PRKCE: variants seen among roughly 807,000 people sequenced by gnomAD.
PRKCE encodes protein kinase C epsilon type.
Under a neutral mutation model 85.4 loss-of-function variants are expected in PRKCE, and 16 were observed. The observed-to-expected ratio is 0.19, with a 90% CI of 0.13 to 0.28. The LOEUF is 0.28. PRKCE is among the 10% of genes least tolerant of loss of function. PRKCE has a pLI of 1.00. For missense variants in PRKCE, 573 were observed against 975.2 expected, an observed-to-expected ratio of 0.59 and a Z score of 5.49; for synonymous variants, 388 against 371.5, an observed-to-expected ratio of 1.04 and a Z score of -0.51.
rs145686124 is a variant in PRKCE at position 45,730,181 on chromosome 2, A to G, written c.348+77733A>G. Reference sequence around the variant, plus strand: ...AACACTGGAAAAATAAATTTTTTAGAGACAGGGTTCCGCTCTGTCACCCAG... The same window carrying G: ...AACACTGGAAAAATAAATTTTTTAGGGACAGGGTTCCGCTCTGTCACCCAG... On this transcript the variant is annotated intron_variant, in intron 1 of 14. Transcript: ENST00000306156. 1.6e-4 allele frequency among the ~76,000 whole-genome samples: 25 copies of G among 152,286 alleles called. 1 individual carries two copies. In the East Asian group the frequency reaches 4.8e-3, roughly 29 times the overall value.
intron 1 of PRKCE, among the ~76,000 whole-genome samples, chr2:45,829,558 C>T (rs1690228972): frequency 6.6e-6 from 1 of 152,130 alleles, no homozygotes; most frequent in African/African-American, 2.4e-5. Context: ...GGTGGGGTGG[C>T]AGCTAATGAA....
At chr2:45,882,411 A>G (rs1438675480) in intron 2 of PRKCE, among the ~76,000 whole-genome samples, 5 of 152,236 alleles carry the variant, frequency 3.3e-5, no homozygotes, top group African/African-American at 1.2e-4. Flanking sequence ...TGATGTCCGC[A>G]GTCTCATAGT....
At chr2:45,934,503 G>A (rs1699287016) in intron 2 of PRKCE, among the ~76,000 whole-genome samples, 1 of 152,056 alleles carries the variant, frequency 6.6e-6, no homozygotes, top group African/African-American at 2.4e-5. Context: ...ACAAAAATTA[G>A]CCAGACGTGG....
intron 1 of PRKCE, among the ~76,000 whole-genome samples, chr2:45,756,286 A>G (rs1683997125): frequency 6.6e-6 from 1 of 152,202 alleles, no homozygotes; most frequent in African/African-American, 2.4e-5. Context: ...GCAGAGAGGA[A>G]GAAGAGGATT....
At chr2:45,882,204 G>C (rs1309191652) in intron 2 of PRKCE, among the ~76,000 whole-genome samples, 1 of 152,226 alleles carries the variant, frequency 6.6e-6, no homozygotes, top group Non-Finnish European at 1.5e-5. Context: ...TCGAGTTTCA[G>C]GTTGAGGATG....
At chr2:45,790,135 A>G (rs1686923354) in intron 1 of PRKCE, among the ~76,000 whole-genome samples, 1 of 152,178 alleles carries the variant, frequency 6.6e-6, no homozygotes, top group African/African-American at 2.4e-5. Context: ...CCAGCTCTTC[A>G]GTATTGTCTA....
chr2:46,173,746 G>A lies in PRKCE; in HGVS notation c.2068-10989G>A, dbSNP rs1679145694. Among the ~76,000 whole-genome samples the A allele has an allele frequency of 2.0e-5, 3 of 152,208 alleles. No individual in the cohort carries two copies. In the South Asian group the frequency reaches 6.2e-4, roughly 31 times the overall value. ...AGGGACACCTGCTTGCCTCTGTGAT[G>A]GCAATCCCTGAAAGCTGTGTCTATA... On this transcript the variant is annotated intron_variant, in intron 14 of 14. Transcript: ENST00000306156.
intron 2 of PRKCE, among the ~76,000 whole-genome samples, chr2:45,930,869 C>T (rs1363557804): frequency 5.9e-5 from 9 of 152,030 alleles, no homozygotes; most frequent in African/African-American, 1.2e-4. Context: ...TAGGAAGGTT[C>T]GAGGAGATAA....
intron 10 of PRKCE, among the ~76,000 whole-genome samples, chr2:46,047,198 G>A (rs1188672435): frequency 6.6e-6 from 1 of 152,182 alleles, no homozygotes; most frequent in South Asian, 2.1e-4. Flanking sequence ...TGGGCCAGGT[G>A]AGTCAAAGGC....
rs374660665 is a variant in PRKCE, at chr2:46,174,382, G to A, written c.2068-10353G>A. The stretch of plus-strand genomic sequence containing the variant: ...CAATCTTTTCAATGATGTAAAGGTC[G>A]CAAACTGGAGGATTGTGAGACCCAT... On this transcript the variant is annotated intron_variant, in intron 14 of 14. Coordinates refer to ENST00000306156, the MANE Select transcript of PRKCE (RefSeq NM_005400.3). Among the ~76,000 whole-genome samples the A allele has an allele frequency of 5.9e-5, 9 of 152,338 alleles. No individual in the cohort carries two copies. The East Asian group carries it at 1.3e-3, about 23-fold the overall frequency.
rs368652595 is a variant in PRKCE, at chr2:45,832,075, G to T, written c.349-10925G>T. Among the ~76,000 whole-genome samples the T allele has an allele frequency of 6.9e-4, 105 of 152,132 alleles. 2 individuals carry two copies. The South Asian group carries it at 0.017, about 25-fold the overall frequency. On this transcript the variant is annotated intron_variant, in intron 1 of 14. Coordinates refer to ENST00000306156, the MANE Select transcript of PRKCE (RefSeq NM_005400.3). ...ACTGTTCTTTTTCTCACAGGACATG[G>T]TTCCAACTAAACAATGAAAAGCAAT...
At chr2:46,012,327 C>A (rs1018821497) in intron 10 of PRKCE, among the ~76,000 whole-genome samples, 2 of 145,496 alleles carry the variant, frequency 1.4e-5, no homozygotes, top group African/African-American at 5.1e-5. Flanking sequence ...CTTTTCTTTC[C>A]TTTTGGTACC....
At position 46,187,224 on chromosome 2, in the gene PRKCE, G is replaced by A. The variant is rs979820095; in HGVS notation, c.*2343G>A. Reference sequence around the variant, plus strand: ...CCGAGGGCCTAGTGTTTGCACGGCAGTGGGAACTGGGCCTTTCCTACAGGA... The same window carrying A: ...CCGAGGGCCTAGTGTTTGCACGGCAATGGGAACTGGGCCTTTCCTACAGGA... On this transcript the variant is annotated 3_prime_UTR_variant, in exon 15 of 15. Coordinates refer to ENST00000306156, the MANE Select transcript of PRKCE (RefSeq NM_005400.3). The A allele has an allele frequency of 6.5e-6, 1 of 152,790 alleles. No homozygotes were observed. Among genetic ancestry groups the A allele is most frequent in the Admixed American group, 6.5e-5 (1 of 15,310 alleles). The allele number at this position is 152,790 out of a possible 1,614,324, so 9.5% of individuals were successfully genotyped here. A position where few individuals can be genotyped will look rare whatever the true frequency, so the allele number is the denominator to read the frequency against.
At chr2:46,053,175 C>G (rs904381684) in intron 10 of PRKCE, among the ~76,000 whole-genome samples, 2 of 152,174 alleles carry the variant, frequency 1.3e-5, no homozygotes, top group Non-Finnish European at 2.9e-5. Context: ...GGAGAAGCCC[C>G]ACTCTGGGGA....
intron 2 of PRKCE, among the ~76,000 whole-genome samples, chr2:45,908,745 G>T (rs1352146222): frequency 6.6e-6 from 1 of 152,184 alleles, no homozygotes; most frequent in Admixed American, 6.5e-5. Context: ...GGCCGATAAG[G>T]TCCCACTGGG....
intron 2 of PRKCE, among the ~76,000 whole-genome samples, chr2:45,940,834 A>AAG (rs1358914152): frequency 6.6e-6 from 1 of 152,082 alleles, no homozygotes; most frequent in Non-Finnish European, 1.5e-5. Flanking sequence ...CAAAGCAGGC[A>AAG]GATCACTTGA....
Position 46,151,025 on chromosome 2 carries a change from C to T in PRKCE, c.1732-16C>T, listed in dbSNP as rs778994347. 1.9e-6 allele frequency: 3 copies of T among 1,586,014 alleles called. No individual in the cohort carries two copies. The highest frequency in any genetic ancestry group is 1.7e-6 in the Non-Finnish European group (2 of 1,169,622). On this transcript the variant is annotated splice_polypyrimidine_tract_variant and intron_variant, in intron 12 of 14. Transcript: ENST00000306156. The stretch of plus-strand genomic sequence containing the variant: ...GAGCCTTTGATGGTGCCTGACATTG[C>T]TGGTTTCCTGAACAGATCCTGCAGG...
chr2:46,085,976 G>C (rs899704623), intron 10 of PRKCE, among the ~76,000 whole-genome samples: 11 of 152,126 alleles, frequency 7.2e-5, no homozygotes, highest in African/African-American at 2.7e-4. Flanking sequence ...ACTAGACCGA[G>C]GTGATGCCCA....
chr2:45,799,720 C>T (rs1301875561), intron 1 of PRKCE, among the ~76,000 whole-genome samples: 3 of 152,212 alleles, frequency 2.0e-5, no homozygotes, highest in Admixed American at 2.0e-4. Context: ...AGGGCAGGCT[C>T]CTGTTGTCCC....
Sources: allele counts gnomAD v4.1 joint callset (sites outside exome capture counted in the v4.1 genomes callset), GRCh38; gene constraint gnomAD v4.1.1; transcripts MANE v1.5; gene names NCBI Gene and HGNC (gene_info 2026-07-23, HGNC 2026-07-21).